Variants in GXYLT2 observed in about 807,000 individuals in gnomAD.
GXYLT2 encodes the protein glucoside xylosyltransferase 2.
GXYLT2 carries 53 observed loss-of-function variants against 45.8 expected under a neutral mutation model. The ratio of observed to expected loss-of-function variants is 1.16; its 90% CI spans 0.93 to 1.46. GXYLT2 has a LOEUF of 1.46. Among genes scored for constraint, GXYLT2 ranks in the 40% most tolerant of loss-of-function variants. GXYLT2 has a pLI of 0.00. For missense variants in GXYLT2, 551 were observed against 544.4 expected (o/e 1.01, Z -0.12); for synonymous variants, 219 against 214.2 (o/e 1.02, Z -0.19).
chr3:72,962,569 G>C (rs529514493), intron 5 of GXYLT2, among the ~76,000 whole-genome samples: 4 of 152,280 alleles, frequency 2.6e-5, no homozygotes, highest in African/African-American at 7.2e-5. Context: ...GGTGAAAGGA[G>C]GTATAAGTTG....
intron 1 of GXYLT2, among the ~76,000 whole-genome samples, chr3:72,904,534 C>T (rs1265236125): frequency 1.3e-5 from 2 of 151,960 alleles, no homozygotes; most frequent in South Asian, 2.1e-4. Flanking sequence ...GAATGATTGT[C>T]GTCCCTAGCC....
Position 72,975,028 on chromosome 3 carries a change from A to C in GXYLT2, c.1201A>C (p.Lys401Gln), listed in dbSNP as rs1403099551. 1.2e-6 allele frequency: 2 copies of C among 1,610,656 alleles called. No homozygotes were observed. Among genetic ancestry groups the C allele is most frequent in the Non-Finnish European group, 1.7e-6 (2 of 1,178,104 alleles). ...ATCCATGTATTACCCCCTTCAGCTG[A>C]AGTTTTTGGAGACTGTGCACACTTT... ...FQSMYYPLQL[K>Q]FLETVHTLCG... The change falls in exon 7 of 7, where the codon AAG becomes CAG. Residue 401 changes from lysine (K) to glutamine (Q), a missense_variant. Physicochemically the swap from Lys to Gln is moderately conservative, Grantham distance 53. Transcript: ENST00000389617.
intron 3 of GXYLT2, among the ~76,000 whole-genome samples, chr3:72,923,906 C>T (rs1709875276): frequency 1.3e-5 from 2 of 152,138 alleles, no homozygotes; most frequent in South Asian, 4.1e-4. Context: ...AGTAGGATTA[C>T]AGGCATGAGC....
chr3:72,926,377 A>G (rs1419584389), intron 3 of GXYLT2, among the ~76,000 whole-genome samples: 2 of 152,246 alleles, frequency 1.3e-5, no homozygotes, highest in Non-Finnish European at 2.9e-5. Flanking sequence ...TGGTCCTATG[A>G]CATGGGATCA....
intron 2 of GXYLT2, among the ~76,000 whole-genome samples, chr3:72,919,621 G>T (rs1284110732): frequency 2.6e-5 from 4 of 152,206 alleles, no homozygotes; most frequent in African/African-American, 9.6e-5. Context: ...TGGGTGTAGT[G>T]GCAGTCACCT....
intron 2 of GXYLT2, among the ~76,000 whole-genome samples, chr3:72,915,354 T>TGGGG (rs1559732646): frequency 1.2e-4 from 4 of 33,484 alleles, no homozygotes; most frequent in African/African-American, 1.6e-4. Context: ...TTTTTTTTTT[T>TGGGG]GCGGGGGGGG....
intron 2 of GXYLT2, among the ~76,000 whole-genome samples, chr3:72,911,785 A>T (rs1232121345): frequency 6.6e-6 from 1 of 151,494 alleles, no homozygotes; most frequent in East Asian, 1.9e-4. Flanking sequence ...TTTTATTTTT[A>T]TTTTTTTGAG....
intron 3 of GXYLT2, among the ~76,000 whole-genome samples, chr3:72,928,230 A>T (rs543672371): frequency 9.0e-4 from 137 of 152,384 alleles, no homozygotes; most frequent in South Asian, 4.1e-3. Context: ...AATAATTTTT[A>T]AAATAACTAT....
chr3:72,898,485 G>GA (rs1353116917), intron 1 of GXYLT2, among the ~76,000 whole-genome samples: 2 of 152,142 alleles, frequency 1.3e-5, no homozygotes, highest in African/African-American at 4.8e-5. Context: ...AATCATAAGG[G>GA]AAAAAATGAA....
At chr3:72,968,575 A>G (rs1710918253) in intron 6 of GXYLT2, among the ~76,000 whole-genome samples, 1 of 152,232 alleles carries the variant, frequency 6.6e-6, no homozygotes, top group Non-Finnish European at 1.5e-5. Flanking sequence ...GTACAAGATA[A>G]GAGTCAAGTG....
chr3:72,943,951 T>A (rs1575804745), intron 3 of GXYLT2, among the ~76,000 whole-genome samples: 1 of 152,288 alleles, frequency 6.6e-6, no homozygotes, highest in Admixed American at 6.5e-5. Flanking sequence ...TCCAAAGTGC[T>A]GGGATTACAG....
chr3:72,967,714 C>T lies in GXYLT2; in HGVS notation c.1144C>T (p.Arg382Trp), dbSNP rs200291518. The change falls in exon 6 of 7, where the codon CGG (arginine) becomes TGG (tryptophan). Residue 382 changes from arginine to tryptophan, a missense_variant. Arg to Trp is a moderately radical substitution (Grantham distance 101). Transcript: ENST00000389617. The part of the protein sequence containing the change: ...PTFRALYEAI[R>W]DFPFQDNLFQ... ...GTTCAGAGCACTCTATGAAGCAATA[C>T]GGGATGTAAGTGTGCCCTTGCTGCT... 44 of 1,613,278 alleles carry T rather than the reference C, an allele frequency of 2.7e-5. No individual in the cohort carries two copies. The East Asian group carries it at 5.8e-4, about 21-fold the overall frequency.
intron 3 of GXYLT2, among the ~76,000 whole-genome samples, chr3:72,941,062 G>T (rs563681963): frequency 6.6e-6 from 1 of 152,270 alleles, no homozygotes; most frequent in South Asian, 2.1e-4. Context: ...CAAGCTATCT[G>T]TTCACATTTG....
intron 3 of GXYLT2, among the ~76,000 whole-genome samples, chr3:72,928,345 G>T (rs1290439798): frequency 6.6e-6 from 1 of 152,168 alleles, no homozygotes; most frequent in African/African-American, 2.4e-5. Context: ...GGTGACATTT[G>T]AACCACAGCC....
At chr3:72,912,233 C>A (rs1709645825) in intron 2 of GXYLT2, among the ~76,000 whole-genome samples, 1 of 151,946 alleles carries the variant, frequency 6.6e-6, no homozygotes, top group Non-Finnish European at 1.5e-5. Context: ...TTGTCTCGAA[C>A]ACCTGACCTC....
At chr3:72,960,068 C>T (rs1025303254) in intron 5 of GXYLT2, among the ~76,000 whole-genome samples, 10 of 152,220 alleles carry the variant, frequency 6.6e-5, no homozygotes, top group African/African-American at 2.4e-4. Flanking sequence ...GCCTCAGCCT[C>T]CCGAGCAGCT....
intron 3 of GXYLT2, among the ~76,000 whole-genome samples, chr3:72,954,071 A>G (rs1480681493): frequency 6.6e-6 from 1 of 152,178 alleles, no homozygotes; most frequent in Non-Finnish European, 1.5e-5. Flanking sequence ...AACCCGGACA[A>G]CAGAGCAAGA....
chr3:72,927,114 T>A (rs763723140), intron 3 of GXYLT2: 2 of 151,842 alleles, frequency 1.3e-5, no homozygotes, highest in Non-Finnish European at 2.9e-5. Flanking sequence ...ATTTTTAAAA[T>A]TTTTGTAGAG....
chr3:72,914,807 A>G (rs1254654419), intron 2 of GXYLT2, among the ~76,000 whole-genome samples: 1 of 152,126 alleles, frequency 6.6e-6, no homozygotes, highest in Non-Finnish European at 1.5e-5. Context: ...GGATCAGGGC[A>G]TGACCCCTGA....
Sources: allele counts gnomAD v4.1 joint callset (sites outside exome capture counted in the v4.1 genomes callset), GRCh38; gene constraint gnomAD v4.1.1; transcripts MANE v1.5; gene names NCBI Gene and HGNC (gene_info 2026-07-23, HGNC 2026-07-21).